Variants in PDCD4 observed in about 807,000 individuals in gnomAD.
PDCD4 encodes programmed cell death 4, also known as programmed cell death protein 4.
In PDCD4, 56 loss-of-function variants were observed where a neutral mutation model predicts 54.0. The ratio of observed to expected loss-of-function variants is 1.04; its 90% CI spans 0.84 to 1.30. PDCD4 has a LOEUF of 1.30. Ranked by LOEUF, PDCD4 falls within the 50% of genes most tolerant of loss-of-function variation. The probability of loss-of-function intolerance (pLI) is 0.00; values close to 1 mark genes in which losing one functional copy is unlikely to be tolerated. For missense variants in PDCD4, 584 were observed against 559.8 expected (o/e 1.04, Z -0.44); for synonymous variants, 186 against 194.8 (o/e 0.95, Z 0.37).
Position 110,898,030 on chromosome 10 carries a change from G to A in PDCD4, c.1352G>A (p.Gly451Asp). The change falls in exon 12 of 12, where the codon GGC becomes GAC. Residue 451 changes from glycine (G) to aspartate (D), a missense_variant and splice_region_variant. By Grantham distance (94) the Gly-to-Asp change is moderately conservative. Transcript: ENST00000280154. The stretch of plus-strand genomic sequence containing the variant: ...GTCTTTTTTTTTCTTCATTACAGGG[G>A]CAGAAAGCGTTTTGTAAGCGAAGGA... Reference protein sequence around the residue: ...KQLRDLCPSRGRKRFVSEGDG... With the variant: ...KQLRDLCPSRDRKRFVSEGDG... The A allele has an allele frequency of 1.3e-6, 2 of 1,584,974 alleles. No individual in the cohort carries two copies. The highest frequency in any genetic ancestry group is 1.7e-6 in the Non-Finnish European group (2 of 1,163,168).
In PDCD4 at chr10:110,885,288, G is replaced by T; in HGVS notation, c.477G>T (p.Leu159Phe). ...NCVYETVVLPLDERAFEKTLT... is the reference protein window; with the variant it reads ...NCVYETVVLPFDERAFEKTLT... ...TTTATGAAACTGTAGTTTTGCCTTTGGATGAAAGGGCATTTGAGAAGACTT... is the reference window on the plus strand; with the variant it reads ...TTTATGAAACTGTAGTTTTGCCTTTTGATGAAAGGGCATTTGAGAAGACTT... The change falls in exon 5 of 12, where the codon TTG (leucine) becomes TTT (phenylalanine). Residue 159 changes from leucine (L) to phenylalanine (F), a missense_variant. Leu to Phe is a conservative substitution (Grantham distance 22). Transcript: ENST00000280154. The T allele has an allele frequency of 1.3e-6, 2 of 1,592,450 alleles. No homozygotes were observed. Among genetic ancestry groups the T allele is most frequent in the Non-Finnish European group, 1.7e-6 (2 of 1,163,346 alleles).
chr10:110,873,083 T>A (rs1258673333), intron 1 of PDCD4, among the ~76,000 whole-genome samples: 1 of 152,242 alleles, frequency 6.6e-6, no homozygotes, highest in Non-Finnish European at 1.5e-5. Flanking sequence ...AACCACCAAG[T>A]GCTTTTTAAG....
At chr10:110,882,723 C>T (rs1845610156) in intron 3 of PDCD4, among the ~76,000 whole-genome samples, 1 of 152,082 alleles carries the variant, frequency 6.6e-6, no homozygotes, top group Non-Finnish European at 1.5e-5. Context: ...CTTTGAGGTC[C>T]TCAATATAGC....
At chr10:110,874,058 T>C (rs775851377) in intron 1 of PDCD4, among the ~76,000 whole-genome samples, 10 of 152,236 alleles carry the variant, frequency 6.6e-5, no homozygotes, top group Non-Finnish European at 1.3e-4. Flanking sequence ...ATTGAACTTG[T>C]GCAAACAGTA....
intron 2 of PDCD4, among the ~76,000 whole-genome samples, chr10:110,880,096 G>C (rs1167615124): frequency 6.6e-6 from 1 of 152,172 alleles, no homozygotes; most frequent in Non-Finnish European, 1.5e-5. Context: ...GACTTAAAGA[G>C]CTTTCAGGGC....
Position 110,890,734 on chromosome 10 carries a change from G to T in PDCD4, c.990+64G>T, listed in dbSNP as rs571870759. ...ATTCCTCTGAGTGAAATAAATTGTG[G>T]CTACTAGCTGGTATTTTTATGGACA... On this transcript the variant is annotated intron_variant, in intron 8 of 11. Coordinates refer to ENST00000280154, the MANE Select transcript of PDCD4 (RefSeq NM_014456.5). The T allele has an allele frequency of 2.3e-5, 22 of 968,146 alleles. No homozygotes were observed. The Admixed American group carries it at 4.9e-4, about 22-fold the overall frequency. The allele number at this position is 968,146 out of a possible 1,614,324, so 60.0% of individuals were successfully genotyped here.
At chr10:110,876,810 A>G (rs1845512567) in intron 2 of PDCD4, 2 of 569,336 alleles carry the variant, frequency 3.5e-6, no homozygotes, top group African/African-American at 1.9e-5. Context: ...AATCTCCCAA[A>G]AAGTTAATTA....
At chr10:110,878,421 T>A (rs1845540381) in intron 2 of PDCD4, among the ~76,000 whole-genome samples, 1 of 152,208 alleles carries the variant, frequency 6.6e-6, no homozygotes, top group African/African-American at 2.4e-5. Flanking sequence ...TTCTGACTCC[T>A]GTGTCTTCTG....
chr10:110,883,944 A>G (rs571589548), intron 4 of PDCD4, among the ~76,000 whole-genome samples: 2 of 152,354 alleles, frequency 1.3e-5, no homozygotes, highest in East Asian at 1.9e-4. Flanking sequence ...CTAAAAATGT[A>G]TTAATCTTTC....
chr10:110,888,118 A>G lies in PDCD4; in HGVS notation c.777+232A>G, dbSNP rs373993474. Among the ~76,000 whole-genome samples the G allele has an allele frequency of 4.0e-5, 6 of 149,216 alleles. No individual in the cohort carries two copies. In the South Asian group the frequency reaches 6.3e-4, roughly 16 times the overall value. ...TGTTATCTTGTACTTTTCCCCTATG[A>G]TCTGCATAGTTTTTAGGTAATTTTT... is the stretch of plus-strand genomic sequence containing the variant. On this transcript the variant is annotated intron_variant, in intron 6 of 11. Coordinates refer to ENST00000280154, the MANE Select transcript of PDCD4 (RefSeq NM_014456.5).
chr10:110,895,983 T>G lies in PDCD4; in HGVS notation c.1245T>G (p.Ile415Met), dbSNP rs1056452207. 1 of 1,602,596 alleles carries G rather than the reference T, an allele frequency of 6.2e-7. No homozygotes were observed. ...GAATTTACAATGAAATTCCGGACAT[T>G]AATCTGGATGTCCCACATTCATACT... ...YERIYNEIPD[I>M]NLDVPHSYSV... The change falls in exon 11 of 12, where the codon ATT becomes ATG. Residue 415 changes from isoleucine (I) to methionine (M), a missense_variant. Physicochemically the swap from Ile to Met is conservative, Grantham distance 10 (BLOSUM62 1). Coordinates refer to ENST00000280154, the MANE Select transcript of PDCD4 (RefSeq NM_014456.5).
intron 4 of PDCD4, among the ~76,000 whole-genome samples, chr10:110,883,751 T>C (rs1368164365): frequency 6.6e-6 from 1 of 152,236 alleles, no homozygotes; most frequent in Non-Finnish European, 1.5e-5. Flanking sequence ...AATTTGTCTT[T>C]GCACAAGGTG....
rs117965754 is a variant in PDCD4 at position 110,883,217 on chromosome 10, C to T, written c.441+120C>T. On this transcript the variant is annotated intron_variant, in intron 4 of 11. Coordinates refer to ENST00000280154, the MANE Select transcript of PDCD4 (RefSeq NM_014456.5). ...GTATAAATGTTTTGGATTAGGAAAC[C>T]AAGTAAACTGACAGTAATACATGCA... The T allele has an allele frequency of 2.5e-4, 161 of 646,248 alleles. No homozygotes were observed. The East Asian group carries it at 5.0e-3, about 20-fold the overall frequency. 40.0% of individuals were successfully genotyped at this position (646,248 alleles called of 1,614,324 possible).
intron 2 of PDCD4, chr10:110,876,797 A>G (rs376573147): frequency 1.0e-5 from 7 of 680,110 alleles, no homozygotes; most frequent in East Asian, 6.4e-5. Context: ...TAGTTTTAAA[A>G]ATAATCTCCC....
intron 8 of PDCD4, among the ~76,000 whole-genome samples, chr10:110,892,335 C>G (rs772463915): frequency 6.6e-5 from 10 of 152,080 alleles, no homozygotes; most frequent in Non-Finnish European, 8.8e-5. Flanking sequence ...TGTGAATTCT[C>G]TCTCAATAAA....
rs5787876 is a variant in PDCD4, at chr10:110,898,158, GTT to G, written c.*89_*90del. ...TGAATTGTAAGAGTTGTTAGCACAAGTTTTTTTTTTTTTTTTTTTTAAGCACT... is the reference window on the plus strand; with the variant it reads ...TGAATTGTAAGAGTTGTTAGCACAAGTTTTTTTTTTTTTTTTTTAAGCACT... On this transcript the variant is annotated 3_prime_UTR_variant, in exon 12 of 12. Transcript: ENST00000280154. 0.063 allele frequency: 24,074 copies of G among 382,648 alleles called. 1 individual carries two copies. The highest frequency in any genetic ancestry group is 0.088 in the East Asian group (1,873 of 21,386). The allele number at this position is 382,648 out of a possible 1,614,324, so 23.7% of individuals were successfully genotyped here. A position where few individuals can be genotyped will look rare whatever the true frequency, so the allele number is the denominator to read the frequency against.
At chr10:110,875,459 T>C (rs948980426) in intron 1 of PDCD4, among the ~76,000 whole-genome samples, 2 of 152,228 alleles carry the variant, frequency 1.3e-5, no homozygotes, top group African/African-American at 2.4e-5. Context: ...GTGGCAGATA[T>C]ATCTGCCTTT....
chr10:110,889,094 C>T (rs544162926), intron 6 of PDCD4, among the ~76,000 whole-genome samples: 8 of 151,644 alleles, frequency 5.3e-5, no homozygotes, highest in Admixed American at 3.3e-4. Flanking sequence ...GCCAGGTGTG[C>T]GCCTGTAGTC....
rs1330610619 is a variant in PDCD4 at position 110,898,512 on chromosome 10, G to C, written c.*424G>C. Reference sequence around the variant, plus strand: ...AAACCCCATGTTGGCTGCTGCTGTTGAGATACTGTGCTTTGGGAGTAAAAA... The same window carrying C: ...AAACCCCATGTTGGCTGCTGCTGTTCAGATACTGTGCTTTGGGAGTAAAAA... On this transcript the variant is annotated 3_prime_UTR_variant, in exon 12 of 12. Coordinates refer to ENST00000280154, the MANE Select transcript of PDCD4 (RefSeq NM_014456.5). The C allele has an allele frequency of 6.5e-6, 1 of 153,814 alleles. No homozygotes were observed. The highest frequency in any genetic ancestry group is 1.5e-5 in the Non-Finnish European group (1 of 68,918). The allele number at this position is 153,814 out of a possible 1,614,324, so 9.5% of individuals were successfully genotyped here.
Sources: allele counts gnomAD v4.1 joint callset (sites outside exome capture counted in the v4.1 genomes callset), GRCh38; gene constraint gnomAD v4.1.1; transcripts MANE v1.5; gene names NCBI Gene and HGNC (gene_info 2026-07-23, HGNC 2026-07-21).